Variants in CSMD1 observed in about 807,000 individuals in gnomAD.
The protein encoded by CSMD1 is CUB and Sushi multiple domains 1.
CSMD1 carries 213 observed loss-of-function variants against 417.5 expected under a neutral mutation model. That is an observed-to-expected ratio of 0.51 (90% CI 0.46 to 0.57). CSMD1 has a LOEUF of 0.57. Among genes scored for constraint, CSMD1 ranks in the 20% least tolerant of loss-of-function variants. The pLI, the probability that CSMD1 is intolerant of heterozygous loss-of-function variation, is 0.00. For missense variants in CSMD1, 6,923 were observed against 4,529.7 expected, an observed-to-expected ratio of 1.53 and a Z score of -15.17; for synonymous variants, 2,862 against 1,736.8, an observed-to-expected ratio of 1.65 and a Z score of -16.11.
chr8:4,828,174 G>A (rs969193004), intron 1 of CSMD1, among the ~76,000 whole-genome samples: 1 of 151,972 alleles, frequency 6.6e-6, no homozygotes, highest in Non-Finnish European at 1.5e-5. Context: ...CAAATACAGA[G>A]CTCATTTAAG....
chr8:4,709,974 A>G (rs1158312752), intron 1 of CSMD1, among the ~76,000 whole-genome samples: 1 of 152,232 alleles, frequency 6.6e-6, no homozygotes, highest in Non-Finnish European at 1.5e-5. Context: ...GTCGATTTAG[A>G]AATTTTGATA....
At chr8:4,162,659 C>T (rs570485403) in intron 3 of CSMD1, among the ~76,000 whole-genome samples, 1 of 152,176 alleles carries the variant, frequency 6.6e-6, no homozygotes, top group Non-Finnish European at 1.5e-5. Flanking sequence ...TCATGTAACA[C>T]CTGCTCCCAT....
intron 37 of CSMD1, among the ~76,000 whole-genome samples, chr8:3,164,584 T>G (rs1027884801): frequency 3.3e-5 from 5 of 152,158 alleles, no homozygotes; most frequent in Admixed American, 2.6e-4. Flanking sequence ...CTACCATACA[T>G]CTCTGAGTTT....
At position 4,525,808 on chromosome 8, in the gene CSMD1, T is replaced by C. The variant is rs74888850; in HGVS notation, c.303-105743A>G. Among the ~76,000 whole-genome samples, 617 of 152,248 alleles carry C rather than the reference T, an allele frequency of 4.1e-3. 5 individuals are homozygous for C. The highest frequency in any genetic ancestry group is 0.014 in the African/African-American group (602 of 41,564). The stretch of plus-strand genomic sequence containing the variant: ...ACACAGGGACATGTCAATTACTATC[T>C]AGAAGCAGCAGGCTTCCCAGGAGGC... On this transcript the variant is annotated intron_variant, in intron 2 of 69. Coordinates refer to ENST00000635120, the MANE Select transcript of CSMD1 (RefSeq NM_033225.6).
chr8:3,717,623 A>G (rs773767274), intron 6 of CSMD1, among the ~76,000 whole-genome samples: 3 of 152,154 alleles, frequency 2.0e-5, no homozygotes, highest in Non-Finnish European at 2.9e-5. Flanking sequence ...ACCACAGACA[A>G]CCACTGTTAG....
At chr8:3,987,663 T>C (rs961635049) in intron 5 of CSMD1, among the ~76,000 whole-genome samples, 10 of 152,006 alleles carry the variant, frequency 6.6e-5, no homozygotes, top group African/African-American at 2.2e-4. Flanking sequence ...GAAGAGACAG[T>C]TCCCAGACAG....
At chr8:3,881,519 C>G (rs1404340466) in intron 5 of CSMD1, among the ~76,000 whole-genome samples, 1 of 149,954 alleles carries the variant, frequency 6.7e-6, no homozygotes, top group Non-Finnish European at 1.5e-5. Context: ...TGCCTGTAAT[C>G]TCAGCTACTC....
rs546864200 is a variant in CSMD1, at chr8:3,507,779, G to C, written c.1345-14053C>G. On this transcript the variant is annotated intron_variant, in intron 10 of 69. Coordinates refer to ENST00000635120, the MANE Select transcript of CSMD1 (RefSeq NM_033225.6). ...AGTGATGATGAGCATTTTTTCATGT[G>C]TTTTTTTGGCTGCATAAATGTCTTC... Among the ~76,000 whole-genome samples, 19 of 152,076 alleles carry C rather than the reference G, an allele frequency of 1.2e-4. No homozygotes were observed. The South Asian group carries it at 3.9e-3, about 32-fold the overall frequency.
chr8:3,386,425 A>G (rs1378636610), intron 18 of CSMD1, among the ~76,000 whole-genome samples: 2 of 152,174 alleles, frequency 1.3e-5, no homozygotes, highest in Admixed American at 1.3e-4. Context: ...AGAGGGCTCC[A>G]GCAGCTCTGT....
chr8:3,493,790 A>G (rs2117304280), intron 10 of CSMD1, 64 bp from the exon 11 acceptor site: 1 of 1,345,896 alleles, frequency 7.4e-7, no homozygotes, highest in Non-Finnish European at 1.0e-6. Context: ...TTTAATAGGT[A>G]TTGCAAATAT....
intron 11 of CSMD1, among the ~76,000 whole-genome samples, chr8:3,484,784 G>T (rs889099470): frequency 6.6e-6 from 1 of 152,198 alleles, no homozygotes; most frequent in Admixed American, 6.5e-5. Flanking sequence ...TAGACATTTT[G>T]CCAAAGAGGA....
In CSMD1 at chr8:3,162,195, C is replaced by T. The variant is rs191637398; in HGVS notation, c.5808G>A (p.Val1936=). 32 of 1,610,258 alleles carry T rather than the reference C, an allele frequency of 2.0e-5. No individual in the cohort carries two copies. The African/African-American group carries it at 2.4e-4, about 12-fold the overall frequency. The change falls in exon 38 of 70, where the codon GTG becomes GTA. Residue 1936 remains valine, a synonymous_variant. Coordinates refer to ENST00000635120, the MANE Select transcript of CSMD1 (RefSeq NM_033225.6). ...ACCCGGGCTCGCACTGGAAGGAGAG[C>T]ACGTCGTTCACCATGTACCGATCTC... ...KIGDRYMVND[V]LSFQCEPGYT... is the part of the protein sequence containing the mutation.
At chr8:3,172,546 G>A (rs1384124146) in intron 37 of CSMD1, among the ~76,000 whole-genome samples, 1 of 152,176 alleles carries the variant, frequency 6.6e-6, no homozygotes, top group Non-Finnish European at 1.5e-5. Context: ...CATTGATCTT[G>A]TTGTCTGGTT....
intron 53 of CSMD1, among the ~76,000 whole-genome samples, chr8:2,998,818 A>AGGT (rs1302737371): frequency 6.6e-6 from 1 of 152,238 alleles, no homozygotes; most frequent in African/African-American, 2.4e-5. Flanking sequence ...CCCTTTCAAC[A>AGGT]GAAACACACT....
At chr8:4,073,650 A>G (rs897451916) in intron 3 of CSMD1, among the ~76,000 whole-genome samples, 2 of 152,296 alleles carry the variant, frequency 1.3e-5, no homozygotes, top group South Asian at 4.1e-4. Flanking sequence ...ATTCTGGGGA[A>G]TAATTCTCTG....
intron 5 of CSMD1, among the ~76,000 whole-genome samples, chr8:3,809,639 G>C (rs1238870710): frequency 6.6e-6 from 1 of 152,140 alleles, no homozygotes; most frequent in Non-Finnish European, 1.5e-5. Flanking sequence ...TGGCGGCTAA[G>C]AATTCTCATT....
At chr8:4,152,480 G>C (rs1316298585) in intron 3 of CSMD1, among the ~76,000 whole-genome samples, 3 of 151,452 alleles carry the variant, frequency 2.0e-5, no homozygotes, top group Admixed American at 6.6e-5. Flanking sequence ...TTTGGGCCAA[G>C]GAGTATGGAA....
intron 57 of CSMD1, among the ~76,000 whole-genome samples, chr8:2,968,150 AATTTC>A (rs1804134822): frequency 6.6e-6 from 1 of 152,224 alleles, no homozygotes; most frequent in Non-Finnish European, 1.5e-5. Flanking sequence ...TATATATCAA[AATTTC>A]ATTTTGCAAT....
At chr8:3,959,029 C>T (rs766742384) in intron 5 of CSMD1, among the ~76,000 whole-genome samples, 4 of 152,204 alleles carry the variant, frequency 2.6e-5, no homozygotes, top group African/African-American at 7.2e-5. Flanking sequence ...GGCGGCTTCT[C>T]CATGCTCCTC....
Sources: allele counts gnomAD v4.1 joint callset (sites outside exome capture counted in the v4.1 genomes callset), GRCh38; gene constraint gnomAD v4.1.1; transcripts MANE v1.5; gene names NCBI Gene and HGNC (gene_info 2026-07-23, HGNC 2026-07-21).